The following RBM20 variants were observed in gnomAD, a reference collection of about 807,000 sequenced individuals.
RBM20 encodes the protein RNA binding motif protein 20.
In RBM20, 51 loss-of-function variants were observed where a neutral mutation model predicts 110.1. The observed-to-expected ratio is 0.46, with a 90% confidence interval of 0.37 to 0.59. The LOEUF (loss-of-function observed/expected upper bound fraction) is 0.59, where lower values mean the gene tolerates loss of function less well. RBM20 is among the 20% of genes least tolerant of loss of function. The probability of loss-of-function intolerance (pLI) is 0.00; values close to 1 mark genes in which losing one functional copy is unlikely to be tolerated. For synonymous variants in RBM20, 589 were observed against 618.2 expected, an observed-to-expected ratio of 0.95 and a Z score of 0.70; for missense variants, 1,512 against 1,574.9, an observed-to-expected ratio of 0.96 and a Z score of 0.68.
chr10:110,819,011 G>C (rs1282187876), intron 9 of RBM20, among the ~76,000 whole-genome samples: 1 of 152,244 alleles, frequency 6.6e-6, no homozygotes, highest in Non-Finnish European at 1.5e-5. Context: ...AAACCAGTCA[G>C]CCCTGAGCTT....
intron 1 of RBM20, among the ~76,000 whole-genome samples, chr10:110,767,115 G>GGCC (rs1844103109): frequency 8.7e-6 from 1 of 114,820 alleles, no homozygotes; most frequent in Non-Finnish European, 1.9e-5. Flanking sequence ...CGGGGCGGCT[G>GGCC]ACCCCCCCCA....
chr10:110,811,739 A>G (rs117454780), intron 8 of RBM20, among the ~76,000 whole-genome samples: 164 of 152,154 alleles, frequency 1.1e-3, no homozygotes, highest in Admixed American at 1.8e-3. Flanking sequence ...CCATGCATAA[A>G]TTGAGCTGAG....
chr10:110,768,564 C>G (rs1276913987), intron 1 of RBM20, among the ~76,000 whole-genome samples: 2 of 152,196 alleles, frequency 1.3e-5, no homozygotes, highest in Non-Finnish European at 2.9e-5. Flanking sequence ...ATACCATGTC[C>G]TTCACAAGGA....
At chr10:110,812,254 T>C (rs1285951731) in intron 8 of RBM20, 24 bp from the exon 9 acceptor site, 6 of 1,521,426 alleles carry the variant, frequency 3.9e-6, no homozygotes, top group Non-Finnish European at 5.3e-6. Flanking sequence ...AGATTCTAAA[T>C]CCTGCTCCTT....
intron 7 of RBM20, among the ~76,000 whole-genome samples, chr10:110,803,201 A>G (rs906306673): frequency 1.8e-4 from 28 of 152,216 alleles, no homozygotes; most frequent in African/African-American, 6.5e-4. Context: ...CAGATGAGGA[A>G]TCTGAAGCTA....
intron 1 of RBM20, among the ~76,000 whole-genome samples, chr10:110,684,529 G>C (rs1862473435): frequency 6.6e-6 from 1 of 152,104 alleles, no homozygotes; most frequent in Admixed American, 6.5e-5. Flanking sequence ...AAATAATATG[G>C]GGAGTTTCTG....
chr10:110,644,325 G>C, upstream of RBM20: 1 of 637,014 alleles, frequency 1.6e-6, no homozygotes, highest in Non-Finnish European at 2.4e-6. The surrounding 1 kb of genome is among the most constrained non-coding windows in gnomAD (Gnocchi z 4.3). Flanking sequence ...CGCCCCTCGC[G>C]TCTCCTCCCC....
chr10:110,815,687 C>A (rs1227751383), intron 9 of RBM20, among the ~76,000 whole-genome samples: 6 of 152,198 alleles, frequency 3.9e-5, no homozygotes. Context: ...CCCTGGGAAC[C>A]TCATTTCTTC....
At chr10:110,759,385 C>T (rs966700250) in intron 1 of RBM20, among the ~76,000 whole-genome samples, 10 of 152,164 alleles carry the variant, frequency 6.6e-5, no homozygotes, top group South Asian at 2.1e-4. Context: ...AAAGAGAAAT[C>T]GCTGTTTAGA....
At chr10:110,664,559 C>G (rs975842916) in intron 1 of RBM20, among the ~76,000 whole-genome samples, 4 of 151,956 alleles carry the variant, frequency 2.6e-5, no homozygotes, top group Non-Finnish European at 5.9e-5. Flanking sequence ...CCAGCCTGAC[C>G]AACGTGGTGA....
chr10:110,673,554 T>C (rs1316587384), intron 1 of RBM20, among the ~76,000 whole-genome samples: 1 of 152,254 alleles, frequency 6.6e-6, no homozygotes, highest in African/African-American at 2.4e-5. Flanking sequence ...TTACTCCTGC[T>C]AGCTGTGCTT....
At chr10:110,835,728 T>C in intron 13 of RBM20, 140 bp from the exon 14 acceptor site, 1 of 731,862 alleles carries the variant, frequency 1.4e-6, no homozygotes, top group South Asian at 2.3e-5. Flanking sequence ...AGTGGGGATC[T>C]CTGAACCAGG....
chr10:110,768,896 T>C (rs1388304961), intron 1 of RBM20, among the ~76,000 whole-genome samples: 2 of 152,232 alleles, frequency 1.3e-5, no homozygotes, highest in Non-Finnish European at 2.9e-5. Context: ...TTTTTAGCTG[T>C]ATTGTGTTTG....
chr10:110,745,836 C>T (rs1662120091), intron 1 of RBM20, among the ~76,000 whole-genome samples: 1 of 152,152 alleles, frequency 6.6e-6, no homozygotes, highest in African/African-American at 2.4e-5. Flanking sequence ...CAAGGTTTAC[C>T]ATATGGAAAT....
At chr10:110,829,842 G>A (rs1845026765) in intron 12 of RBM20, among the ~76,000 whole-genome samples, 1 of 152,138 alleles carries the variant, frequency 6.6e-6, no homozygotes, top group Admixed American at 6.5e-5. Flanking sequence ...GCCATTCCCA[G>A]GCCCCTTCCT....
chr10:110,726,834 G>A (rs1385311866), intron 1 of RBM20, among the ~76,000 whole-genome samples: 1 of 152,130 alleles, frequency 6.6e-6, no homozygotes, highest in African/African-American at 2.4e-5. Flanking sequence ...AATCTCACCT[G>A]AGCCTGTATT....
chr10:110,823,309 T>C (rs368368847), intron 11 of RBM20, among the ~76,000 whole-genome samples, 171 bp from the exon 12 acceptor site: 7 of 152,298 alleles, frequency 4.6e-5, no homozygotes, highest in African/African-American at 1.7e-4. Flanking sequence ...CTAATGACAG[T>C]GCTTTGGTTC....
At chr10:110,765,115 G>C (rs1564838962) in intron 1 of RBM20, among the ~76,000 whole-genome samples, 2 of 152,076 alleles carry the variant, frequency 1.3e-5, no homozygotes, top group Non-Finnish European at 2.9e-5. Context: ...TTTTTACGCT[G>C]GTTACTAAAC....
intron 1 of RBM20, among the ~76,000 whole-genome samples, chr10:110,661,368 C>T (rs938559309): frequency 2.0e-5 from 3 of 152,176 alleles, no homozygotes; most frequent in Non-Finnish European, 2.9e-5. Context: ...GTAGCCAGAA[C>T]CCCTTAGGCT....
Sources: allele counts gnomAD v4.1 joint callset (sites outside exome capture counted in the v4.1 genomes callset), GRCh38; gene constraint gnomAD v4.1.1; non-coding constraint Gnocchi (gnomAD v3.1); transcripts MANE v1.5; gene names NCBI Gene and HGNC (gene_info 2026-07-23, HGNC 2026-07-21).